PDZRN3: variants seen among roughly 807,000 people sequenced by gnomAD.
PDZRN3 encodes E3 ubiquitin-protein ligase PDZRN3.
A neutral mutation model predicts 85.7 loss-of-function variants in PDZRN3; 38 were observed. That is an observed-to-expected ratio of 0.44 (90% CI 0.34 to 0.58). PDZRN3 has a LOEUF of 0.58. PDZRN3 is among the 20% of genes least tolerant of loss of function. PDZRN3 has a pLI of 0.01. For missense variants in PDZRN3, 1,629 were observed against 1,506.4 expected (o/e 1.08, Z -1.35); for synonymous variants, 759 against 638.0 (o/e 1.19, Z -2.86).
At chr3:73,520,188 G>A (rs760301371) in intron 3 of PDZRN3, among the ~76,000 whole-genome samples, 1 of 152,058 alleles carries the variant, frequency 6.6e-6, no homozygotes, top group Non-Finnish European at 1.5e-5. Context: ...ATATATCTTT[G>A]GGGCTGCTAA....
At chr3:73,465,014 C>T (rs532470714) in intron 3 of PDZRN3, among the ~76,000 whole-genome samples, 1 of 152,288 alleles carries the variant, frequency 6.6e-6, no homozygotes, top group South Asian at 2.1e-4. Context: ...TCTTCCCAAC[C>T]ATCTGCTCTG....
chr3:73,521,775 ATCTT>A (rs1704373254), intron 3 of PDZRN3, among the ~76,000 whole-genome samples: 1 of 152,176 alleles, frequency 6.6e-6, no homozygotes, highest in Non-Finnish European at 1.5e-5. Context: ...TTGTCTCTGT[ATCTT>A]TCCTGCCCAA....
chr3:73,526,973 T>G (rs7610886), intron 3 of PDZRN3, among the ~76,000 whole-genome samples: 1 of 151,862 alleles, frequency 6.6e-6, no homozygotes, highest in African/African-American at 2.4e-5. Flanking sequence ...CTCAGCCTCC[T>G]GGGTAGCTGG....
intron 3 of PDZRN3, among the ~76,000 whole-genome samples, chr3:73,458,445 T>A (rs1164978934): frequency 2.6e-5 from 4 of 151,622 alleles, no homozygotes; most frequent in Admixed American, 6.6e-5. Context: ...TATGCCTCAA[T>A]GAGATGTTTT....
Position 73,613,566 on chromosome 3 carries a change from C to A in PDZRN3, c.724-4882G>T, listed in dbSNP as rs74830485. 1.9e-3 allele frequency among the ~76,000 whole-genome samples: 288 copies of A among 151,914 alleles called. 2 individuals are homozygous for A. Among genetic ancestry groups the A allele is most frequent in the African/African-American group, 6.6e-3 (273 of 41,432 alleles). On this transcript the variant is annotated intron_variant, in intron 1 of 9. Transcript: ENST00000263666. Reference sequence around the variant, plus strand: ...ATCAGTGGGTCTCGATGGATTGGTACGAAAAGAAGGTGAAGAACAGAGGAA... The same window carrying A: ...ATCAGTGGGTCTCGATGGATTGGTAAGAAAAGAAGGTGAAGAACAGAGGAA...
intron 8 of PDZRN3, among the ~76,000 whole-genome samples, chr3:73,386,859 T>TCGG (rs1319046988): frequency 3.0e-5 from 2 of 67,528 alleles, no homozygotes; most frequent in East Asian, 7.0e-4. Flanking sequence ...TGTCTGTCTC[T>TCGG]CGGCTTTTTC....
At chr3:73,576,182 T>C (rs1702121635) in intron 3 of PDZRN3, among the ~76,000 whole-genome samples, 1 of 152,088 alleles carries the variant, frequency 6.6e-6, no homozygotes, top group Non-Finnish European at 1.5e-5. Context: ...TCCTTTACCC[T>C]CCACTACCCC....
At chr3:73,592,653 A>T (rs1702375166) in intron 3 of PDZRN3, among the ~76,000 whole-genome samples, 1 of 152,172 alleles carries the variant, frequency 6.6e-6, no homozygotes, top group Admixed American at 6.5e-5. Context: ...TTGGCATGGC[A>T]GACTCATTCC....
chr3:73,466,678 T>C (rs1703224779), intron 3 of PDZRN3, among the ~76,000 whole-genome samples: 1 of 152,180 alleles, frequency 6.6e-6, no homozygotes, highest in Non-Finnish European at 1.5e-5. Flanking sequence ...GCAGAAACTC[T>C]AGAATGAATT....
intron 3 of PDZRN3, among the ~76,000 whole-genome samples, chr3:73,559,572 G>T (rs1701773890): frequency 6.6e-6 from 1 of 152,304 alleles, no homozygotes; most frequent in African/African-American, 2.4e-5. Flanking sequence ...AGGCCTTGGA[G>T]CCTTCAGTTG....
chr3:73,462,769 A>G (rs1703135128), intron 3 of PDZRN3, among the ~76,000 whole-genome samples: 1 of 152,172 alleles, frequency 6.6e-6, no homozygotes, highest in African/African-American at 2.4e-5. Flanking sequence ...AGTGGCCACC[A>G]CCAGATACAG....
At chr3:73,401,526 A>G (rs888795824) in intron 4 of PDZRN3, among the ~76,000 whole-genome samples, 1 of 152,226 alleles carries the variant, frequency 6.6e-6, no homozygotes, top group Non-Finnish European at 1.5e-5. Flanking sequence ...TATGTTTGAT[A>G]TCACAAACGT....
intron 3 of PDZRN3, among the ~76,000 whole-genome samples, chr3:73,559,025 T>C (rs1045580181): frequency 5.9e-5 from 9 of 152,176 alleles, no homozygotes; most frequent in Non-Finnish European, 1.3e-4. Flanking sequence ...AGAGAAATGC[T>C]ACAGTAGTGT....
rs564624710 is a variant in PDZRN3, at chr3:73,418,980, G to GC, written c.919-14586dup. Among the ~76,000 whole-genome samples the GC allele has an allele frequency of 2.2e-3, 333 of 152,294 alleles. 5 individuals are homozygous for GC. The South Asian group carries it at 0.028, about 13-fold the overall frequency. ...GAATTGTTAGAGTTTTAACAATGAAGCTAAAGGGGTTGCTTTTAGTGAGAG... is the reference window on the plus strand; with the variant it reads ...GAATTGTTAGAGTTTTAACAATGAAGCCTAAAGGGGTTGCTTTTAGTGAGAG... On this transcript the variant is annotated intron_variant, in intron 3 of 9. Coordinates refer to ENST00000263666, the MANE Select transcript of PDZRN3 (RefSeq NM_015009.3).
At chr3:73,502,126 T>C (rs1168900458) in intron 3 of PDZRN3, among the ~76,000 whole-genome samples, 2 of 152,178 alleles carry the variant, frequency 1.3e-5, no homozygotes, top group Non-Finnish European at 2.9e-5. Flanking sequence ...CTTAGAGCTG[T>C]GCTATTAAGC....
At chr3:73,553,532 C>T (rs937288876) in intron 3 of PDZRN3, among the ~76,000 whole-genome samples, 9 of 150,664 alleles carry the variant, frequency 6.0e-5, no homozygotes, top group South Asian at 2.1e-4. Context: ...GCCGAGATGG[C>T]ACCATTGCAC....
intron 3 of PDZRN3, among the ~76,000 whole-genome samples, chr3:73,488,788 ATT>A (rs1235982753): frequency 6.6e-6 from 1 of 152,200 alleles, no homozygotes; most frequent in Non-Finnish European, 1.5e-5. Context: ...TTATCTTAAA[ATT>A]TGTGTTTTGT....
intron 3 of PDZRN3, among the ~76,000 whole-genome samples, chr3:73,568,571 C>T (rs1701989274): frequency 6.6e-6 from 1 of 152,164 alleles, no homozygotes; most frequent in African/African-American, 2.4e-5. Flanking sequence ...CACAAATACA[C>T]ACCAAAACTA....
chr3:73,492,162 C>A (rs1181004809), intron 3 of PDZRN3, among the ~76,000 whole-genome samples: 1 of 152,182 alleles, frequency 6.6e-6, no homozygotes, highest in Non-Finnish European at 1.5e-5. Context: ...GCCCCCAAAC[C>A]AATTTCAAGG....
Sources: gnomAD v4.1 joint callset for allele counts (sites outside exome capture counted in the v4.1 genomes callset) on GRCh38, gnomAD v4.1.1 for gene constraint, MANE v1.5 for transcripts, NCBI Gene and HGNC (gene_info 2026-07-23, HGNC 2026-07-21) for gene names.